Variants in PELI2 observed in about 807,000 individuals in gnomAD.
PELI2 encodes the protein E3 ubiquitin-protein ligase pellino homolog 2.
Under a neutral mutation model 42.3 loss-of-function variants are expected in PELI2, and 23 were observed. The observed-to-expected ratio is 0.54, with a 90% CI of 0.39 to 0.77. The LOEUF (loss-of-function observed/expected upper bound fraction) is 0.77. PELI2 is among the 30% of genes least tolerant of loss of function. The pLI, the probability that PELI2 is intolerant of heterozygous loss-of-function variation, is 0.00. For missense variants in PELI2, 463 were observed against 553.2 expected, an observed-to-expected ratio of 0.84 and a Z score of 1.64; for synonymous variants, 245 against 212.2, an observed-to-expected ratio of 1.15 and a Z score of -1.34.
At chr14:56,231,935 C>T (rs112998117) in intron 2 of PELI2, among the ~76,000 whole-genome samples, 65,948 of 151,702 alleles carry the variant, frequency 0.43, 14,769 homozygotes, top group South Asian at 0.55. Context: ...ATATCACCAC[C>T]GATCCCACAG....
In PELI2 at chr14:56,288,870, T is replaced by G. The variant is rs912700867; in HGVS notation, c.507+236T>G. On this transcript the variant is annotated intron_variant, in intron 4 of 5. Coordinates refer to ENST00000267460, the MANE Select transcript of PELI2 (RefSeq NM_021255.3). The surrounding 1 kb of genome is among the most constrained non-coding windows in gnomAD (Gnocchi z 4.6). ...GTAATATTTACAGTAAGTACTTTTT[T>G]TAAAGTATGCCTATAACATTGTCCA... Among the ~76,000 whole-genome samples the G allele has an allele frequency of 6.6e-6, 1 of 152,228 alleles. No homozygotes were observed. The highest frequency in any genetic ancestry group is 6.5e-5 in the Admixed American group (1 of 15,286).
intron 2 of PELI2, among the ~76,000 whole-genome samples, chr14:56,222,494 A>G (rs986076761): frequency 2.0e-5 from 3 of 152,180 alleles, no homozygotes; most frequent in Non-Finnish European, 2.9e-5. Context: ...ACTGTCTGAA[A>G]CCCTTCATGT....
intron 1 of PELI2, among the ~76,000 whole-genome samples, chr14:56,148,710 A>G (rs1201298165): frequency 6.6e-6 from 1 of 151,626 alleles, no homozygotes; most frequent in African/African-American, 2.4e-5. Context: ...AAACCTTCCT[A>G]TTGTCCTTTG....
At chr14:56,272,789 A>T (rs1165572250) in intron 2 of PELI2, among the ~76,000 whole-genome samples, 1 of 152,238 alleles carries the variant, frequency 6.6e-6, no homozygotes, top group African/African-American at 2.4e-5. Flanking sequence ...TCAGGAGCAC[A>T]TAACACTTCC....
intron 2 of PELI2, among the ~76,000 whole-genome samples, chr14:56,247,248 C>G (rs973235423): frequency 6.6e-6 from 1 of 152,200 alleles, no homozygotes; most frequent in Admixed American, 6.5e-5. Context: ...AATGCTTAAA[C>G]TACTTTTATC....
At chr14:56,193,547 C>T (rs1594626524) in intron 2 of PELI2, among the ~76,000 whole-genome samples, 1 of 152,084 alleles carries the variant, frequency 6.6e-6, no homozygotes, top group South Asian at 2.1e-4. Context: ...AAGCTGCAAG[C>T]AAATACTTAG....
chr14:56,175,881 A>G (rs1363775182), intron 1 of PELI2, among the ~76,000 whole-genome samples: 1 of 152,002 alleles, frequency 6.6e-6, no homozygotes, highest in African/African-American at 2.4e-5. Flanking sequence ...TCCTCTTTCC[A>G]TTGCTTTTTG....
chr14:56,222,386 G>C (rs753293773), intron 2 of PELI2, among the ~76,000 whole-genome samples: 1 of 152,140 alleles, frequency 6.6e-6, no homozygotes, highest in Non-Finnish European at 1.5e-5. Context: ...AAAAGTGCTC[G>C]CATTGTTAGG....
chr14:56,256,345 A>G (rs2139825305), intron 2 of PELI2, among the ~76,000 whole-genome samples: 1 of 152,218 alleles, frequency 6.6e-6, no homozygotes, highest in African/African-American at 2.4e-5. Flanking sequence ...CTGAGGTGGG[A>G]GAAGGCAGAG....
At chr14:56,274,082 T>C (rs1039750847) in intron 2 of PELI2, among the ~76,000 whole-genome samples, 53 of 152,294 alleles carry the variant, frequency 3.5e-4, no homozygotes, top group African/African-American at 1.3e-3. Context: ...AGATGTCTCC[T>C]AAGTCCCACT....
At chr14:56,151,275 T>G (rs1371157183) in intron 1 of PELI2, among the ~76,000 whole-genome samples, 1 of 152,232 alleles carries the variant, frequency 6.6e-6, no homozygotes, top group East Asian at 1.9e-4. Flanking sequence ...GGTGAATTTT[T>G]ACTTCTAGCC....
At chr14:56,214,194 A>T (rs1377848988) in intron 2 of PELI2, among the ~76,000 whole-genome samples, 4 of 152,054 alleles carry the variant, frequency 2.6e-5, no homozygotes, top group East Asian at 1.9e-4. Flanking sequence ...GATTTGTCCT[A>T]ATGTCACTAC....
At chr14:56,156,926 T>G (rs1884588823) in intron 1 of PELI2, among the ~76,000 whole-genome samples, 1 of 152,144 alleles carries the variant, frequency 6.6e-6, no homozygotes, top group Non-Finnish European at 1.5e-5. Context: ...ACTGGGAGAT[T>G]TTGGAGAAAA....
At chr14:56,121,685 G>A (rs1290404271) in intron 1 of PELI2, among the ~76,000 whole-genome samples, 1 of 152,210 alleles carries the variant, frequency 6.6e-6, no homozygotes, top group African/African-American at 2.4e-5. Flanking sequence ...ACCTGAATAA[G>A]CCCTTCTCTC....
At chr14:56,266,409 A>C (rs1437054992) in intron 2 of PELI2, among the ~76,000 whole-genome samples, 1 of 152,042 alleles carries the variant, frequency 6.6e-6, no homozygotes, top group Non-Finnish European at 1.5e-5. Flanking sequence ...TGTCAATAAG[A>C]GACAAGCAAC....
chr14:56,203,142 G>A (rs555913101), intron 2 of PELI2, among the ~76,000 whole-genome samples: 7 of 152,276 alleles, frequency 4.6e-5, no homozygotes, highest in African/African-American at 1.7e-4. Flanking sequence ...GGGGTGACCA[G>A]CCTGGCCAAC....
intron 2 of PELI2, among the ~76,000 whole-genome samples, chr14:56,233,988 A>G (rs913821539): frequency 3.9e-5 from 6 of 152,256 alleles, no homozygotes; most frequent in Admixed American, 6.5e-5. Context: ...CAGCCAACGG[A>G]CACATGAAAA....
chr14:56,283,387 G>A (rs1889542818), intron 3 of PELI2, among the ~76,000 whole-genome samples: 1 of 152,144 alleles, frequency 6.6e-6, no homozygotes, highest in African/African-American at 2.4e-5. Context: ...ATACAGTTTG[G>A]TGCCACTGCT....
chr14:56,193,233 T>C (rs1356002447), intron 2 of PELI2, among the ~76,000 whole-genome samples: 2 of 152,160 alleles, frequency 1.3e-5, no homozygotes, highest in African/African-American at 4.8e-5. Flanking sequence ...AGACCGTCTG[T>C]CCCCAGCCCA....
Sources: gnomAD v4.1 joint callset for allele counts (sites outside exome capture counted in the v4.1 genomes callset) on GRCh38, gnomAD v4.1.1 for gene constraint, Gnocchi (gnomAD v3.1) non-coding constraint, MANE v1.5 for transcripts, NCBI Gene and HGNC (gene_info 2026-07-23, HGNC 2026-07-21) for gene names.